Variants in DIAPH3 observed in about 807,000 individuals in gnomAD.
The protein encoded by DIAPH3 is diaphanous related formin 3, also known as protein diaphanous homolog 3.
Under a neutral mutation model 144.3 loss-of-function variants are expected in DIAPH3, and 117 were observed. The ratio of observed to expected loss-of-function variants is 0.81; its 90% CI spans 0.70 to 0.95. DIAPH3 has a LOEUF of 0.95. Ranked by LOEUF, DIAPH3 falls within the 40% of genes least tolerant of loss-of-function variation. The probability of loss-of-function intolerance (pLI) is 0.00; values close to 1 mark genes in which losing one functional copy is unlikely to be tolerated. For missense variants in DIAPH3, 1,421 were observed against 1,412.7 expected, an observed-to-expected ratio of 1.01 and a Z score of -0.09; for synonymous variants, 519 against 488.9, an observed-to-expected ratio of 1.06 and a Z score of -0.81.
At chr13:59,977,516 A>C (rs773607763) in intron 14 of DIAPH3, among the ~76,000 whole-genome samples, 17 of 151,858 alleles carry the variant, frequency 1.1e-4, no homozygotes, top group Non-Finnish European at 2.5e-4. Flanking sequence ...CAACATAATC[A>C]AATTTTTACT....
chr13:60,065,711 G>C lies in DIAPH3; in HGVS notation c.496-22891C>G, dbSNP rs555594516. ...TTTAAAAAATTTTCCCAAGTTCCCA[G>C]AATAGTTTATAAATATGCTATCTTC... On this transcript the variant is annotated intron_variant, in intron 4 of 27. Transcript: ENST00000400324. 5.3e-5 allele frequency among the ~76,000 whole-genome samples: 8 copies of C among 152,108 alleles called. No homozygotes were observed. The South Asian group carries it at 1.7e-3, about 32-fold the overall frequency.
chr13:60,153,484 GTGTA>G (rs1951893181), intron 1 of DIAPH3: 1 of 151,926 alleles, frequency 6.6e-6, no homozygotes, highest in South Asian at 2.1e-4. Context: ...TCTGCTAACA[GTGTA>G]AGGCTATCTG....
intron 20 of DIAPH3, among the ~76,000 whole-genome samples, chr13:59,900,206 G>C (rs117486565): frequency 7.4e-4 from 112 of 152,198 alleles, no homozygotes; most frequent in Non-Finnish European, 1.2e-3. Context: ...TTTTATAAAG[G>C]AATATGCCTG....
At chr13:59,714,038 AG>A (rs2034893542) in intron 27 of DIAPH3, among the ~76,000 whole-genome samples, 1 of 152,098 alleles carries the variant, frequency 6.6e-6, no homozygotes, top group African/African-American at 2.4e-5. Flanking sequence ...TAACACAGTG[AG>A]GTCCCATATT....
chr13:60,080,769 AT>A (rs1379197395), intron 4 of DIAPH3, among the ~76,000 whole-genome samples: 1 of 152,024 alleles, frequency 6.6e-6, no homozygotes, highest in Non-Finnish European at 1.5e-5. Context: ...GGAAATAATC[AT>A]TCAGTGTCAA....
intron 24 of DIAPH3, among the ~76,000 whole-genome samples, chr13:59,816,477 T>C (rs775823406): frequency 1.9e-4 from 29 of 151,682 alleles, no homozygotes; most frequent in African/African-American, 5.3e-4. Context: ...TCTGTATCTT[T>C]AGTTATGTTC....
intron 24 of DIAPH3, among the ~76,000 whole-genome samples, chr13:59,811,512 G>T (rs1207277111): frequency 6.6e-6 from 1 of 152,104 alleles, no homozygotes; most frequent in Admixed American, 6.5e-5. Flanking sequence ...GCCGAGGTGG[G>T]CGGATCATAA....
chr13:60,030,471 T>C (rs1461789134), intron 5 of DIAPH3, among the ~76,000 whole-genome samples: 1 of 152,194 alleles, frequency 6.6e-6, no homozygotes, highest in African/African-American at 2.4e-5. Flanking sequence ...CTCTCCTGTC[T>C]TGCAAATGAG....
At chr13:60,150,446 A>C (rs1410621244) in intron 1 of DIAPH3, among the ~76,000 whole-genome samples, 2 of 152,240 alleles carry the variant, frequency 1.3e-5, no homozygotes, top group Non-Finnish European at 2.9e-5. Flanking sequence ...CCAAAGAGCT[A>C]GTGAAAAGTC....
intron 27 of DIAPH3, among the ~76,000 whole-genome samples, chr13:59,771,707 A>G (rs972692300): frequency 1.3e-5 from 2 of 152,172 alleles, no homozygotes; most frequent in African/African-American, 4.8e-5. Context: ...GCATGCATTC[A>G]AAATTTGACT....
intron 24 of DIAPH3, among the ~76,000 whole-genome samples, chr13:59,826,684 T>TAA (rs1211546809): frequency 6.6e-6 from 1 of 151,796 alleles, no homozygotes; most frequent in African/African-American, 2.4e-5. Context: ...AAAACTACTT[T>TAA]AAAGTTCATA....
Position 59,824,589 on chromosome 13 carries a change from C to T in DIAPH3, c.3027+8518G>A, listed in dbSNP as rs141302653. Among the ~76,000 whole-genome samples, 477 of 152,184 alleles carry T rather than the reference C, an allele frequency of 3.1e-3. 4 individuals carry two copies. Among genetic ancestry groups the T allele is most frequent in the African/African-American group, 0.011 (459 of 41,528 alleles). On this transcript the variant is annotated intron_variant, in intron 24 of 27. Coordinates refer to ENST00000400324, the MANE Select transcript of DIAPH3 (RefSeq NM_001042517.2). ...ACTAATCATGTCTCTCTTTGAGGGT[C>T]ATCACAGGCAATTAAGATGGGAGAT...
At chr13:59,816,892 C>A (rs1221147336) in intron 24 of DIAPH3, among the ~76,000 whole-genome samples, 1 of 151,768 alleles carries the variant, frequency 6.6e-6, no homozygotes, top group Non-Finnish European at 1.5e-5. Context: ...TAAATTTATA[C>A]CATTTTTACT....
chr13:59,981,417 T>A (rs1350606122), intron 13 of DIAPH3, among the ~76,000 whole-genome samples: 1 of 151,284 alleles, frequency 6.6e-6, no homozygotes, highest in African/African-American at 2.4e-5. Context: ...TATACTAAAA[T>A]TGTAAATATG....
chr13:59,997,331 C>A (rs895205778), intron 9 of DIAPH3, among the ~76,000 whole-genome samples: 3 of 152,014 alleles, frequency 2.0e-5, no homozygotes, highest in African/African-American at 7.2e-5. Context: ...GCTGATTTTT[C>A]TTAATAGCCT....
chr13:59,972,969 T>G (rs984014542), intron 15 of DIAPH3, among the ~76,000 whole-genome samples: 1 of 152,156 alleles, frequency 6.6e-6, no homozygotes, highest in African/African-American at 2.4e-5. Context: ...ATGCCCACAT[T>G]TCATAAGAAA....
Position 60,021,756 on chromosome 13 carries a change from G to T in DIAPH3, c.627-5611C>A, listed in dbSNP as rs186822531. On this transcript the variant is annotated intron_variant, in intron 5 of 27. Coordinates refer to ENST00000400324, the MANE Select transcript of DIAPH3 (RefSeq NM_001042517.2). The stretch of plus-strand genomic sequence containing the variant: ...GGAGGCCAAAGAAGAGCCAAAAAAT[G>T]TAGGTGGACTGAAAAACCTGGGAAT... Among the ~76,000 whole-genome samples the T allele has an allele frequency of 4.4e-3, 662 of 151,712 alleles. 5 individuals carry two copies. Among genetic ancestry groups the T allele is most frequent in the Admixed American group, 7.2e-3 (110 of 15,252 alleles).
At position 59,992,123 on chromosome 13, in the gene DIAPH3, C is replaced by T; in HGVS notation, c.1189G>A (p.Glu397Lys). The change falls in exon 11 of 28, where the codon GAA (glutamate) becomes AAA (lysine). Residue 397 changes from glutamate (E) to lysine (K), a missense_variant. Transcript: ENST00000400324. ...IQLKVFDEHK[E>K]EDLFELSHRL... Reference sequence around the variant, plus strand: ...TGGGATAACTCAAACAAATCTTCTTCTTTATGCTCATCAAAGACTTTAAGT... The same window carrying T: ...TGGGATAACTCAAACAAATCTTCTTTTTTATGCTCATCAAAGACTTTAAGT... The T allele has an allele frequency of 6.2e-7, 1 of 1,611,954 alleles. No homozygotes were observed. Among genetic ancestry groups the T allele is most frequent in the South Asian group, 1.1e-5 (1 of 91,024 alleles).
chr13:59,893,619 C>G (rs1350463052), intron 20 of DIAPH3, among the ~76,000 whole-genome samples: 1 of 151,934 alleles, frequency 6.6e-6, no homozygotes, highest in Non-Finnish European at 1.5e-5. Flanking sequence ...CATTAAAGTT[C>G]TTGGTGGTCT....
Sources: allele counts gnomAD v4.1 joint callset (sites outside exome capture counted in the v4.1 genomes callset), GRCh38; gene constraint gnomAD v4.1.1; transcripts MANE v1.5; gene names NCBI Gene and HGNC (gene_info 2026-07-23, HGNC 2026-07-21).